Variants in ITPR1 observed in about 807,000 individuals in gnomAD.
The protein encoded by ITPR1 is inositol 1,4,5-trisphosphate receptor type 1.
In ITPR1, 96 loss-of-function variants were observed where a neutral mutation model predicts 318.4. The observed-to-expected ratio is 0.30, with a 90% CI of 0.26 to 0.36. The LOEUF (loss-of-function observed/expected upper bound fraction) is 0.36, where lower values mean the gene tolerates loss of function less well. Among genes scored for constraint, ITPR1 ranks in the 10% least tolerant of loss-of-function variants. The pLI is 1.00. For synonymous variants in ITPR1, 1,312 were observed against 1,289.9 expected (o/e 1.02, Z -0.37); for missense variants, 2,440 against 3,460.2 (o/e 0.71, Z 7.40).
At chr3:4,633,368 G>A (rs1232261435) in intron 5 of ITPR1, among the ~76,000 whole-genome samples, 1 of 152,152 alleles carries the variant, frequency 6.6e-6, no homozygotes, top group East Asian at 1.9e-4. Flanking sequence ...CAGCCAATAC[G>A]ATGTTGTATT....
intron 19 of ITPR1, 83 bp from the exon 20 acceptor site, chr3:4,670,646 A>G: frequency 9.8e-7 from 1 of 1,019,544 alleles, no homozygotes; most frequent in Non-Finnish European, 1.5e-6. Flanking sequence ...GTGTCTTTCC[A>G]TGTGTCTTTA....
chr3:4,623,443 G>A (rs1293252230), intron 4 of ITPR1, among the ~76,000 whole-genome samples: 1 of 152,162 alleles, frequency 6.6e-6, no homozygotes, highest in Non-Finnish European at 1.5e-5. Context: ...TGTCACATAA[G>A]ACATTCTTTG....
chr3:4,681,035 A>G (rs563538314), intron 25 of ITPR1, among the ~76,000 whole-genome samples: 1 of 152,244 alleles, frequency 6.6e-6, no homozygotes, highest in Admixed American at 6.5e-5. Context: ...GCTTTTACTC[A>G]CTTTGGAAGT....
intron 42 of ITPR1, among the ~76,000 whole-genome samples, chr3:4,730,795 T>A (rs1174871285): frequency 6.6e-6 from 1 of 152,206 alleles, no homozygotes; most frequent in Non-Finnish European, 1.5e-5. Flanking sequence ...CCTTAAGAGA[T>A]GTGTGTTTGT....
chr3:4,830,854 C>T (rs1411866358), intron 60 of ITPR1: 4 of 445,364 alleles, frequency 9.0e-6, no homozygotes, highest in South Asian at 1.6e-5. Flanking sequence ...TGCCCTCAAG[C>T]CCCCCTCACC....
chr3:4,564,038 T>C (rs2086957511), intron 4 of ITPR1, among the ~76,000 whole-genome samples: 1 of 150,552 alleles, frequency 6.6e-6, no homozygotes, highest in African/African-American at 2.4e-5. Context: ...ACCTCCGGGG[T>C]TCAAGCGATT....
chr3:4,697,914 T>A (rs1368630831), intron 34 of ITPR1, among the ~76,000 whole-genome samples: 1 of 152,216 alleles, frequency 6.6e-6, no homozygotes, highest in Admixed American at 6.5e-5. Context: ...TCCTTGGTAA[T>A]ATGTCTGTGC....
intron 4 of ITPR1, among the ~76,000 whole-genome samples, chr3:4,569,649 A>G (rs1449361376): frequency 6.6e-6 from 1 of 152,222 alleles, no homozygotes; most frequent in Non-Finnish European, 1.5e-5. Context: ...CTGGGAAGCA[A>G]TGATGCCATG....
chr3:4,703,366 A>G (rs2094695204), intron 36 of ITPR1, among the ~76,000 whole-genome samples: 1 of 152,086 alleles, frequency 6.6e-6, no homozygotes, highest in Non-Finnish European at 1.5e-5. Context: ...CTTTCTCAGA[A>G]ATGGTGCACT....
At chr3:4,580,278 G>A (rs1222704596) in intron 4 of ITPR1, among the ~76,000 whole-genome samples, 1 of 152,272 alleles carries the variant, frequency 6.6e-6, no homozygotes, top group Non-Finnish European at 1.5e-5. Flanking sequence ...CTTGATGGAG[G>A]ATATTAACAT....
intron 42 of ITPR1, among the ~76,000 whole-genome samples, chr3:4,729,911 C>A (rs73095828): frequency 1.4e-5 from 2 of 143,178 alleles, no homozygotes; most frequent in African/African-American, 5.2e-5. Context: ...GAAGAAGTGA[C>A]GTTATTTTAG....
At chr3:4,515,177 T>G (rs1299179411) in intron 2 of ITPR1, among the ~76,000 whole-genome samples, 5 of 152,200 alleles carry the variant, frequency 3.3e-5, no homozygotes, top group African/African-American at 1.2e-4. Context: ...AGCAGTGAAC[T>G]GAGGTTCTTT....
chr3:4,526,811 G>GTA (rs1475662835), intron 4 of ITPR1, among the ~76,000 whole-genome samples: 30 of 152,176 alleles, frequency 2.0e-4, no homozygotes, highest in African/African-American at 7.0e-4. Flanking sequence ...GTTCCCATGT[G>GTA]CCAGCCATTT....
At chr3:4,676,835 A>T (rs1559672662) in intron 24 of ITPR1, 34 bp downstream of exon 24, 1 of 1,553,304 alleles carries the variant, frequency 6.4e-7, no homozygotes, top group Non-Finnish European at 8.8e-7. Context: ...TAGGGAGGGT[A>T]TGTCACAGAG....
intron 4 of ITPR1, among the ~76,000 whole-genome samples, chr3:4,585,490 GC>G (rs2089799328): frequency 6.6e-6 from 1 of 152,108 alleles, no homozygotes; most frequent in Admixed American, 6.5e-5. Context: ...AGGCTGGAGT[GC>G]AGTGGTACGA....
chr3:4,780,651 GC>G (rs2125394822), intron 49 of ITPR1, among the ~76,000 whole-genome samples: 1 of 152,312 alleles, frequency 6.6e-6, no homozygotes, highest in Non-Finnish European at 1.5e-5. Context: ...CTTTATGTAT[GC>G]TTTTAAATAA....
In ITPR1 at chr3:4,675,116, T is replaced by A; in HGVS notation, c.2647T>A (p.Ser883Thr). Residue 883 changes from serine (S) to threonine (T), a missense_variant, in exon 23 of 62, where the codon TCT becomes ACT. Transcript: ENST00000649015. ...NLIYFGFYNFSDLLRLTKILL... is the reference protein window; with the variant it reads ...NLIYFGFYNFTDLLRLTKILL... ...CATATACTTTGGTTTCTACAACTTC[T>A]CTGACCTTCTACGATTAACTAAGAT... 6.2e-7 allele frequency: 1 copy of A among 1,606,362 alleles called. No individual in the cohort carries two copies. Among genetic ancestry groups the A allele is most frequent in the South Asian group, 1.1e-5 (1 of 90,818 alleles).
intron 52 of ITPR1, among the ~76,000 whole-genome samples, chr3:4,790,293 C>T (rs948437903): frequency 2.0e-5 from 3 of 152,166 alleles, no homozygotes; most frequent in African/African-American, 7.2e-5. Context: ...TGCTCCCAGA[C>T]CCTCACCTGT....
chr3:4,779,335 G>A lies in ITPR1; in HGVS notation c.6292-215G>A, dbSNP rs17729525. On this transcript the variant is annotated intron_variant, in intron 48 of 61. Transcript: ENST00000649015. The surrounding 1 kb of genome is among the most constrained non-coding windows in gnomAD (Gnocchi z 4.0). ...CTGACAAATATGTGCCTCTTTGTCC[G>A]AAATCAGATTCTGCACACGTATCTG... Among the ~76,000 whole-genome samples the A allele has an allele frequency of 0.092, 14,011 of 152,284 alleles. 822 individuals carry two copies. The highest frequency in any genetic ancestry group is 0.14 in the Non-Finnish European group (9,668 of 68,020).
Sources: gnomAD v4.1 joint callset for allele counts (sites outside exome capture counted in the v4.1 genomes callset) on GRCh38, gnomAD v4.1.1 for gene constraint, Gnocchi (gnomAD v3.1) non-coding constraint, MANE v1.5 for transcripts, NCBI Gene and HGNC (gene_info 2026-07-23, HGNC 2026-07-21) for gene names.